The following PLXNC1 variants were observed in gnomAD, a reference collection of about 807,000 sequenced individuals.
PLXNC1 encodes plexin C1.
A neutral mutation model predicts 178.2 loss-of-function variants in PLXNC1; 75 were observed. The ratio of observed to expected loss-of-function variants is 0.42; its 90% CI spans 0.35 to 0.51. The LOEUF is 0.51. Among genes scored for constraint, PLXNC1 ranks in the 20% least tolerant of loss-of-function variants. The pLI is 0.02. For missense variants in PLXNC1, 1,503 were observed against 1,984.4 expected (o/e 0.76, Z 4.61); for synonymous variants, 790 against 779.9 (o/e 1.01, Z -0.22).
chr12:94,190,325 T>C (rs1238567453), intron 4 of PLXNC1, among the ~76,000 whole-genome samples: 1 of 152,188 alleles, frequency 6.6e-6, no homozygotes, highest in African/African-American at 2.4e-5. Context: ...CACTAAAGCC[T>C]AGACCTCCCC....
chr12:94,238,570 A>T (rs1964302192), intron 10 of PLXNC1, among the ~76,000 whole-genome samples: 1 of 152,176 alleles, frequency 6.6e-6, no homozygotes, highest in African/African-American at 2.4e-5. Context: ...AACTCATATA[A>T]GTTTGGGCTA....
chr12:94,273,913 A>G (rs564947584), intron 21 of PLXNC1, among the ~76,000 whole-genome samples: 4 of 152,168 alleles, frequency 2.6e-5, no homozygotes, highest in African/African-American at 4.8e-5. Flanking sequence ...GCCGGTCCCT[A>G]CATTCCGTGG....
chr12:94,262,084 T>C (rs1020626787), intron 20 of PLXNC1, among the ~76,000 whole-genome samples: 2 of 152,210 alleles, frequency 1.3e-5, no homozygotes, highest in Non-Finnish European at 2.9e-5. Flanking sequence ...GCACCAGGAC[T>C]CTCACCCAGT....
At chr12:94,184,061 C>A (rs1042910781) in intron 3 of PLXNC1, among the ~76,000 whole-genome samples, 1 of 151,646 alleles carries the variant, frequency 6.6e-6, no homozygotes, top group East Asian at 1.9e-4. Flanking sequence ...ATAGTCACTA[C>A]GGTCTGTTAT....
intron 1 of PLXNC1, among the ~76,000 whole-genome samples, chr12:94,156,098 A>G (rs77392131): frequency 0.016 from 2,382 of 152,324 alleles, 59 homozygotes; most frequent in African/African-American, 0.054. Context: ...TTTCTTATCT[A>G]TAAATAGTGA....
intron 2 of PLXNC1, among the ~76,000 whole-genome samples, chr12:94,169,861 TC>T (rs1961774641): frequency 6.6e-6 from 1 of 152,158 alleles, no homozygotes; most frequent in Non-Finnish European, 1.5e-5. Context: ...GAGGACTATT[TC>T]TTCTCCACTG....
chr12:94,149,699 G>C lies in PLXNC1; in HGVS notation c.728G>C (p.Ser243Thr). The C allele has an allele frequency of 6.2e-7, 1 of 1,611,910 alleles. No individual in the cohort carries two copies. Among genetic ancestry groups the C allele is most frequent in the Non-Finnish European group, 8.5e-7 (1 of 1,179,276 alleles). ...HFVDAFLWNG[S>T]IYFPYYPYNY... The stretch of plus-strand genomic sequence containing the variant: ...GTGGACGCCTTTCTCTGGAACGGCA[G>C]CATCTACTTCCCCTACTACCCCTAC... The change falls in exon 1 of 31, where the codon AGC (serine) becomes ACC (threonine). Residue 243 changes from serine to threonine, a missense_variant. Coordinates refer to ENST00000258526, the MANE Select transcript of PLXNC1 (RefSeq NM_005761.3).
intron 23 of PLXNC1, among the ~76,000 whole-genome samples, chr12:94,285,793 G>C (rs1347878046): frequency 6.6e-6 from 1 of 152,168 alleles, no homozygotes; most frequent in Admixed American, 6.5e-5. Flanking sequence ...TGGGTGGCAG[G>C]CTTGTCTTGA....
chr12:94,175,206 G>A (rs1226932892), intron 2 of PLXNC1, among the ~76,000 whole-genome samples: 5 of 152,092 alleles, frequency 3.3e-5, no homozygotes, highest in Admixed American at 1.3e-4. Context: ...TGTGGTTTAA[G>A]TCTCCTTCCC....
intron 2 of PLXNC1, among the ~76,000 whole-genome samples, chr12:94,174,352 T>C (rs1961968730): frequency 6.6e-6 from 1 of 151,954 alleles, no homozygotes; most frequent in Admixed American, 6.6e-5. Context: ...ACCTGGCTAA[T>C]TTTTTTGTAT....
rs3060881 is a variant in PLXNC1, at chr12:94,274,155, TAAAAAAA to T, written c.3598-5291_3598-5285del. On this transcript the variant is annotated intron_variant, in intron 21 of 30. Transcript: ENST00000258526. ...GGGCAACACAGCAAGACCCTGTCTC[TAAAAAAA>T]AAAAAAAAAAAAAAAAAAAAAAAAA... Among the ~76,000 whole-genome samples the T allele has an allele frequency of 7.7e-3, 350 of 45,360 alleles. 1 individual carries two copies. The highest frequency in any genetic ancestry group is 0.02 in the Middle Eastern group (1 of 50). 29.8% of individuals were successfully genotyped at this position (45,360 alleles called of 152,430 possible). A position where few individuals can be genotyped will look rare whatever the true frequency, so the allele number is the denominator to read the frequency against.
chr12:94,278,463 A>T (rs1002493482), intron 21 of PLXNC1, among the ~76,000 whole-genome samples: 1 of 152,256 alleles, frequency 6.6e-6, no homozygotes, highest in Non-Finnish European at 1.5e-5. Flanking sequence ...GTGTTTTCAC[A>T]CGTGCACAAA....
intron 3 of PLXNC1, 131 bp from the exon 4 acceptor site, chr12:94,186,242 C>T: frequency 1.6e-6 from 1 of 639,818 alleles, no homozygotes; most frequent in East Asian, 2.7e-5. Flanking sequence ...ACCCACTGCC[C>T]AGTGCCAGTA....
At chr12:94,173,103 G>A (rs912173457) in intron 2 of PLXNC1, among the ~76,000 whole-genome samples, 4 of 152,058 alleles carry the variant, frequency 2.6e-5, no homozygotes, top group Non-Finnish European at 5.9e-5. Flanking sequence ...ATTGCATGCC[G>A]GGTTTTTTTC....
At chr12:94,262,136 C>G (rs1272228789) in intron 20 of PLXNC1, among the ~76,000 whole-genome samples, 2 of 152,218 alleles carry the variant, frequency 1.3e-5, no homozygotes, top group African/African-American at 4.8e-5. Flanking sequence ...TGCCCCACCA[C>G]AGTCTCACTG....
At chr12:94,177,944 A>G (rs1263893359) in intron 2 of PLXNC1, among the ~76,000 whole-genome samples, 1 of 152,248 alleles carries the variant, frequency 6.6e-6, no homozygotes. Context: ...TTTCTTAAAT[A>G]ATAGTAACCA....
Position 94,237,737 on chromosome 12 carries a change from C to CA in PLXNC1, c.2057dup (p.Asn686LysfsTer19). 1 of 1,613,870 alleles carries CA rather than the reference C, an allele frequency of 6.2e-7. No individual in the cohort carries two copies. Among genetic ancestry groups the CA allele is most frequent in the Non-Finnish European group, 8.5e-7 (1 of 1,179,820 alleles). Reference sequence around the variant, plus strand: ...AAAAGCAACGTGATAGTAACGGGAGCAAACTTTACCCGGGCATCGAACATC... The same window carrying CA: ...AAAAGCAACGTGATAGTAACGGGAGCAAAACTTTACCCGGGCATCGAACATC... On this transcript the variant is annotated frameshift_variant, in exon 10 of 31. Coordinates refer to ENST00000258526, the MANE Select transcript of PLXNC1 (RefSeq NM_005761.3). LOFTEE classifies it high-confidence loss of function.
At chr12:94,151,411 C>T (rs1960957216) in intron 1 of PLXNC1, among the ~76,000 whole-genome samples, 1 of 152,142 alleles carries the variant, frequency 6.6e-6, no homozygotes, top group African/African-American at 2.4e-5. Context: ...CTGGGACACA[C>T]ACATTAAGGC....
chr12:94,232,108 T>C (rs755485044), intron 9 of PLXNC1, among the ~76,000 whole-genome samples: 3 of 152,064 alleles, frequency 2.0e-5, no homozygotes, highest in Non-Finnish European at 4.4e-5. Context: ...CCCTCCGAGA[T>C]GGAGTTTCAC....
Sources: gnomAD v4.1 joint callset for allele counts (sites outside exome capture counted in the v4.1 genomes callset) on GRCh38, gnomAD v4.1.1 for gene constraint, MANE v1.5 for transcripts, NCBI Gene and HGNC (gene_info 2026-07-23, HGNC 2026-07-21) for gene names.